The following NCEH1 variants were observed in gnomAD, a reference collection of about 807,000 sequenced individuals.
NCEH1 encodes 2-acetyl MAGE hydrolase.
NCEH1 carries 9 observed loss-of-function variants against 25.4 expected under a neutral mutation model. The observed-to-expected ratio is 0.35, with a 90% CI of 0.21 to 0.62. The LOEUF (loss-of-function observed/expected upper bound fraction) is 0.62. Among genes scored for constraint, NCEH1 ranks in the 20% least tolerant of loss-of-function variants. The pLI, the probability that NCEH1 is intolerant of heterozygous loss-of-function variation, is 0.72. For missense variants in NCEH1, 412 were observed against 501.1 expected, an observed-to-expected ratio of 0.82 and a Z score of 1.70; for synonymous variants, 200 against 199.8, an observed-to-expected ratio of 1.00 and a Z score of -0.01.
chr3:172,688,132 C>T (rs1051572615), intron 1 of NCEH1, among the ~76,000 whole-genome samples: 1 of 151,872 alleles, frequency 6.6e-6, no homozygotes, highest in Non-Finnish European at 1.5e-5. Flanking sequence ...GTCAGGAGTT[C>T]GTGACCTGCC....
At chr3:172,646,433 T>C (rs1386514159) in intron 2 of NCEH1, among the ~76,000 whole-genome samples, 1 of 152,210 alleles carries the variant, frequency 6.6e-6, no homozygotes, top group Non-Finnish European at 1.5e-5. Flanking sequence ...ATTTGAAGAA[T>C]ATGGTATTTT....
Position 172,636,164 on chromosome 3 carries a change from T to C in NCEH1, c.438-77A>G, listed in dbSNP as rs917220261. On this transcript the variant is annotated intron_variant, in intron 3 of 4. Transcript: ENST00000475381. Reference sequence around the variant, plus strand: ...CATTTAAAGTTTAGATGGAAACTGGTTCTTTTAAATCTGGAAATAGATAAG... The same window carrying C: ...CATTTAAAGTTTAGATGGAAACTGGCTCTTTTAAATCTGGAAATAGATAAG... The C allele has an allele frequency of 8.1e-5, 73 of 906,496 alleles. 1 individual carries two copies. The highest frequency in any genetic ancestry group is 1.2e-4 in the Non-Finnish European group (70 of 591,022). 56.2% of individuals were successfully genotyped at this position (906,496 alleles called of 1,614,324 possible). A position where few individuals can be genotyped will look rare whatever the true frequency, so the allele number is the denominator to read the frequency against.
chr3:172,669,287 A>T (rs958423496), intron 1 of NCEH1, among the ~76,000 whole-genome samples: 12 of 152,246 alleles, frequency 7.9e-5, no homozygotes, highest in Admixed American at 3.3e-4. Context: ...GAAAAAAATT[A>T]TGTGAACTCC....
rs568321415 is a variant in NCEH1, at chr3:172,684,930, A to G, written c.138+25917T>C. On this transcript the variant is annotated intron_variant, in intron 1 of 4. Coordinates refer to ENST00000475381, the MANE Select transcript of NCEH1 (RefSeq NM_020792.6). ...TGGGAGGTGAGGTTGCAGTGAGCCG[A>G]GACTGTGCCACTGCACTCCAGCCTG... is the stretch of plus-strand genomic sequence containing the variant. Among the ~76,000 whole-genome samples, 4 of 151,594 alleles carry G rather than the reference A, an allele frequency of 2.6e-5. No individual in the cohort carries two copies. The South Asian group carries it at 8.4e-4, about 32-fold the overall frequency.
chr3:172,651,810 C>T (rs572443760), intron 1 of NCEH1, among the ~76,000 whole-genome samples: 103 of 152,252 alleles, frequency 6.8e-4, no homozygotes, highest in African/African-American at 2.4e-3. Context: ...CCACCCACCT[C>T]CGCCTCCCAA....
intron 1 of NCEH1, among the ~76,000 whole-genome samples, chr3:172,656,723 C>T (rs200340374): frequency 6.6e-6 from 1 of 152,052 alleles, no homozygotes; most frequent in East Asian, 1.9e-4. Flanking sequence ...GCCAATATTG[C>T]ACCACTGCAC....
At chr3:172,666,779 CTCTG>C (rs981850824) in intron 1 of NCEH1, among the ~76,000 whole-genome samples, 36 of 152,300 alleles carry the variant, frequency 2.4e-4, no homozygotes, top group African/African-American at 8.7e-4. Context: ...TTCCTGGTTT[CTCTG>C]TCTGCGATCT....
At chr3:172,648,686 A>C (rs1275102974) in intron 1 of NCEH1, among the ~76,000 whole-genome samples, 1 of 152,162 alleles carries the variant, frequency 6.6e-6, no homozygotes, top group Non-Finnish European at 1.5e-5. Flanking sequence ...AGAAAAAAGA[A>C]ACATTGTCAA....
In NCEH1 at chr3:172,687,521, C is replaced by A. The variant is rs193018394; in HGVS notation, c.138+23326G>T. Among the ~76,000 whole-genome samples the A allele has an allele frequency of 2.0e-5, 3 of 152,312 alleles. No homozygotes were observed. The East Asian group carries it at 5.8e-4, about 29-fold the overall frequency. ...TTTATTACATGAAACATTAAATGAG[C>A]TTTCTGTAGAATATAGGTCATAAAC... On this transcript the variant is annotated intron_variant, in intron 1 of 4. Transcript: ENST00000475381.
intron 1 of NCEH1, among the ~76,000 whole-genome samples, chr3:172,653,747 T>TTTTTG (rs1425323150): frequency 1.3e-5 from 1 of 76,478 alleles, no homozygotes; most frequent in African/African-American, 6.0e-5. Context: ...TTTTTTTGTT[T>TTTTTG]TTTTGTTTTT....
chr3:172,638,276 C>A (rs408306), intron 3 of NCEH1, among the ~76,000 whole-genome samples: 6,405 of 22,582 alleles, frequency 0.28, 2,177 homozygotes, highest in East Asian at 0.46. Flanking sequence ...AGACTCTGTC[C>A]AAAAAAAAAA....
chr3:172,675,580 CA>C (rs1240381215), intron 1 of NCEH1, among the ~76,000 whole-genome samples: 6 of 151,968 alleles, frequency 3.9e-5, no homozygotes, highest in African/African-American at 1.5e-4. Flanking sequence ...AAAATTTAAT[CA>C]TTAAAGGAAA....
At chr3:172,692,743 C>T (rs1369245003) in intron 1 of NCEH1, among the ~76,000 whole-genome samples, 1 of 152,126 alleles carries the variant, frequency 6.6e-6, no homozygotes, top group African/African-American at 2.4e-5. Flanking sequence ...GTGCTTTCAT[C>T]ATCCTATTAT....
intron 1 of NCEH1, among the ~76,000 whole-genome samples, chr3:172,665,724 G>A (rs758966620): frequency 8.5e-5 from 13 of 152,146 alleles, no homozygotes; most frequent in Non-Finnish European, 1.6e-4. Context: ...CTGCTGCCTC[G>A]CAGTTTGATC....
At chr3:172,666,280 T>C (rs540357778) in intron 1 of NCEH1, among the ~76,000 whole-genome samples, 3 of 152,336 alleles carry the variant, frequency 2.0e-5, no homozygotes, top group African/African-American at 7.2e-5. Flanking sequence ...TAACACCATG[T>C]GTTCAGAACA....
chr3:172,696,344 G>A (rs74462967), intron 1 of NCEH1, among the ~76,000 whole-genome samples: 41 of 152,248 alleles, frequency 2.7e-4, no homozygotes, highest in South Asian at 1.5e-3. Flanking sequence ...ATAGCAGATT[G>A]GCAAGAATAA....
At chr3:172,650,690 T>C (rs1471514970) in intron 1 of NCEH1, among the ~76,000 whole-genome samples, 4 of 149,930 alleles carry the variant, frequency 2.7e-5, no homozygotes, top group African/African-American at 9.8e-5. Flanking sequence ...CACATGCCTG[T>C]AATCCCAGCT....
intron 1 of NCEH1, among the ~76,000 whole-genome samples, chr3:172,691,036 C>T (rs1251366005): frequency 6.6e-6 from 1 of 152,102 alleles, no homozygotes; most frequent in East Asian, 1.9e-4. Flanking sequence ...CACACACTGC[C>T]CAAACACCCT....
chr3:172,653,639 A>C lies in NCEH1; in HGVS notation c.139-5525T>G, dbSNP rs115186566. 8.1e-3 allele frequency among the ~76,000 whole-genome samples: 1,227 copies of C among 152,124 alleles called. 21 individuals are homozygous for C. The highest frequency in any genetic ancestry group is 0.028 in the African/African-American group (1,168 of 41,486). ...TGTCTGGCCCTCAATTACATCTTAG[A>C]TGATGTCCCATCATAGGTATGGCTA... On this transcript the variant is annotated intron_variant, in intron 1 of 4. Transcript: ENST00000475381.
Sources: allele counts gnomAD v4.1 joint callset (sites outside exome capture counted in the v4.1 genomes callset), GRCh38; gene constraint gnomAD v4.1.1; transcripts MANE v1.5; gene names NCBI Gene and HGNC (gene_info 2026-07-23, HGNC 2026-07-21).